LCLAT1: variants seen among roughly 807,000 people sequenced by gnomAD.
LCLAT1 encodes the protein lysocardiolipin acyltransferase 1.
LCLAT1 carries 11 observed loss-of-function variants against 30.7 expected under a neutral mutation model. The observed-to-expected ratio is 0.36, with a 90% CI of 0.23 to 0.59. The LOEUF (loss-of-function observed/expected upper bound fraction) is 0.59. Among genes scored for constraint, LCLAT1 ranks in the 20% least tolerant of loss-of-function variants. The pLI is 0.77. For missense variants in LCLAT1, 402 were observed against 458.6 expected (o/e 0.88, Z 1.13); for synonymous variants, 155 against 151.3 (o/e 1.02, Z -0.18).
chr2:30,487,615 G>A (rs1683626004), intron 1 of LCLAT1, among the ~76,000 whole-genome samples: 1 of 152,196 alleles, frequency 6.6e-6, no homozygotes, highest in African/African-American at 2.4e-5. Context: ...AAATAAAGTA[G>A]AGGCTTAAGG....
chr2:30,457,169 C>T (rs1322290310), intron 1 of LCLAT1, among the ~76,000 whole-genome samples: 1 of 152,046 alleles, frequency 6.6e-6, no homozygotes, highest in African/African-American at 2.4e-5. Flanking sequence ...TAATTTCTGG[C>T]TTAGTACCTG....
rs558828623 is a variant in LCLAT1, at chr2:30,628,340, C to A, written c.629-11777C>A. ...AGAAGAGGATATAAAATTGCCAATT[C>A]TTCCAAAACTGTTATGTAAATATAA... On this transcript the variant is annotated intron_variant, in intron 5 of 5. Coordinates refer to ENST00000379509, the MANE Select transcript of LCLAT1 (RefSeq NM_001002257.3). Among the ~76,000 whole-genome samples the A allele has an allele frequency of 2.0e-4, 31 of 152,300 alleles. No individual in the cohort carries two copies. The South Asian group carries it at 6.2e-3, about 31-fold the overall frequency.
At chr2:30,568,885 G>GA (rs752915738) in intron 5 of LCLAT1, among the ~76,000 whole-genome samples, 1 of 67,112 alleles carries the variant, frequency 1.5e-5, no homozygotes, top group Non-Finnish European at 3.5e-5. Flanking sequence ...AAAAAAAAAA[G>GA]AGAAAAAAAA....
At chr2:30,636,651 T>C (rs1669040078) in intron 5 of LCLAT1, among the ~76,000 whole-genome samples, 1 of 152,144 alleles carries the variant, frequency 6.6e-6, no homozygotes, top group Non-Finnish European at 1.5e-5. Context: ...TTGCCATTTC[T>C]GTACTGAACA....
At chr2:30,613,014 C>A (rs531777686) in intron 5 of LCLAT1, among the ~76,000 whole-genome samples, 4 of 152,208 alleles carry the variant, frequency 2.6e-5, no homozygotes, top group African/African-American at 9.6e-5. Flanking sequence ...GTAGGGTAGT[C>A]AGGGCTCCCC....
intron 1 of LCLAT1, among the ~76,000 whole-genome samples, chr2:30,506,206 T>C (rs1684651656): frequency 6.6e-6 from 1 of 152,162 alleles, no homozygotes; most frequent in South Asian, 2.1e-4. Flanking sequence ...TATTATTCTT[T>C]TGTTCTGTTT....
intron 1 of LCLAT1, among the ~76,000 whole-genome samples, chr2:30,519,886 C>T (rs1685390081): frequency 6.6e-6 from 1 of 152,190 alleles, no homozygotes; most frequent in Admixed American, 6.5e-5. Flanking sequence ...CACCATCCAC[C>T]ACTGCTGAAT....
chr2:30,568,609 G>A (rs1256452881), intron 5 of LCLAT1, among the ~76,000 whole-genome samples: 6 of 144,640 alleles, frequency 4.1e-5, no homozygotes, highest in African/African-American at 1.0e-4. Flanking sequence ...CCAGGTTCCC[G>A]CCATTCCCCT....
chr2:30,526,688 T>A (rs1685736349), intron 2 of LCLAT1, among the ~76,000 whole-genome samples: 1 of 152,162 alleles, frequency 6.6e-6, no homozygotes, highest in Non-Finnish European at 1.5e-5. Context: ...CAGCAATTTT[T>A]TATTGTCTAC....
At chr2:30,601,290 A>C (rs976851212) in intron 5 of LCLAT1, among the ~76,000 whole-genome samples, 3 of 152,194 alleles carry the variant, frequency 2.0e-5, no homozygotes, top group Admixed American at 2.0e-4. Context: ...TATTTATAAC[A>C]AGGGTTTCAA....
chr2:30,458,944 A>G (rs1681966884), intron 1 of LCLAT1, among the ~76,000 whole-genome samples: 1 of 152,228 alleles, frequency 6.6e-6, no homozygotes, highest in African/African-American at 2.4e-5. Flanking sequence ...ACTGAGTAAC[A>G]TTCATTCTGA....
chr2:30,526,636 T>A (rs1250444552), intron 2 of LCLAT1, among the ~76,000 whole-genome samples: 1 of 152,194 alleles, frequency 6.6e-6, no homozygotes, highest in African/African-American at 2.4e-5. Context: ...TGTTTTGTGA[T>A]TGGATTGCAA....
At chr2:30,454,366 C>T (rs1187492724) in intron 1 of LCLAT1, among the ~76,000 whole-genome samples, 2 of 152,170 alleles carry the variant, frequency 1.3e-5, no homozygotes, top group Non-Finnish European at 2.9e-5. Context: ...TGATGTAGTG[C>T]TCAACCTGGA....
chr2:30,601,686 T>TA (rs1667192041), intron 5 of LCLAT1, among the ~76,000 whole-genome samples: 1 of 149,026 alleles, frequency 6.7e-6, no homozygotes, highest in Non-Finnish European at 1.5e-5. Context: ...TTTAAAACAA[T>TA]ATGTTTTAAT....
At chr2:30,489,960 T>A (rs542168663) in intron 1 of LCLAT1, among the ~76,000 whole-genome samples, 1 of 152,344 alleles carries the variant, frequency 6.6e-6, no homozygotes, top group East Asian at 1.9e-4. Context: ...TAATAACTAA[T>A]AATCACCAGC....
chr2:30,510,926 GTTA>G (rs1684909993), intron 1 of LCLAT1, among the ~76,000 whole-genome samples: 1 of 152,000 alleles, frequency 6.6e-6, no homozygotes, highest in Non-Finnish European at 1.5e-5. Context: ...ACAAGAACAT[GTTA>G]TTGTTTCCTG....
chr2:30,539,556 CAT>C (rs894798916), intron 3 of LCLAT1, among the ~76,000 whole-genome samples: 18 of 152,164 alleles, frequency 1.2e-4, no homozygotes, highest in African/African-American at 4.1e-4. Context: ...TATTTAAGAA[CAT>C]GTGTTATAAA....
intron 5 of LCLAT1, among the ~76,000 whole-genome samples, chr2:30,577,917 T>G (rs1173343292): frequency 6.6e-6 from 1 of 152,146 alleles, no homozygotes; most frequent in Non-Finnish European, 1.5e-5. Context: ...AGTAAACATC[T>G]GTCTGTGATT....
chr2:30,550,010 T>A (rs1664609886), intron 3 of LCLAT1, among the ~76,000 whole-genome samples: 1 of 152,204 alleles, frequency 6.6e-6, no homozygotes, highest in Non-Finnish European at 1.5e-5. Context: ...ATGCTGTTAC[T>A]GATAATCTTC....
Sources: gnomAD v4.1 joint callset for allele counts (sites outside exome capture counted in the v4.1 genomes callset) on GRCh38, gnomAD v4.1.1 for gene constraint, MANE v1.5 for transcripts, NCBI Gene and HGNC (gene_info 2026-07-23, HGNC 2026-07-21) for gene names.